The following MYO10 variants were observed in gnomAD, a reference collection of about 807,000 sequenced individuals.
The protein encoded by MYO10 is myosin X.
A neutral mutation model predicts 257.3 loss-of-function variants in MYO10; 133 were observed. The observed-to-expected ratio is 0.52, with a 90% confidence interval of 0.45 to 0.60. The LOEUF is 0.60. MYO10 is among the 20% of genes least tolerant of loss of function. MYO10 has a pLI of 0.00. For missense variants in MYO10, 2,399 were observed against 2,635.7 expected (o/e 0.91, Z 1.97); for synonymous variants, 1,104 against 1,028.6 (o/e 1.07, Z -1.40).
At chr5:16,794,503 A>G (rs938704702) in intron 4 of MYO10, 143 bp downstream of exon 4, 13 of 738,132 alleles carry the variant, frequency 1.8e-5, no homozygotes, top group Non-Finnish European at 2.4e-5. Context: ...TTACCATGCC[A>G]TTCAAAACAG....
In MYO10 at chr5:16,681,376, C is replaced by T; in HGVS notation, c.4317G>A (p.Leu1439=). The T allele has an allele frequency of 1.2e-6, 2 of 1,613,996 alleles. No individual in the cohort carries two copies. The highest frequency in any genetic ancestry group is 1.7e-5 in the Admixed American group (1 of 60,022). ...YKSSEKNALK[L]GTLVLNSLCS... ...AGAGGCTGTTGAGGACCAGGGTCCCCAGTTTGAGCGCGTTCTTCTCTGAAC... is the reference window on the plus strand; with the variant it reads ...AGAGGCTGTTGAGGACCAGGGTCCCTAGTTTGAGCGCGTTCTTCTCTGAAC... Residue 1439 remains leucine, a synonymous_variant, in exon 32 of 41, where the codon CTG becomes CTA. Coordinates refer to ENST00000513610, the MANE Select transcript of MYO10 (RefSeq NM_012334.3).
At chr5:16,861,368 C>A (rs1248999789) in intron 2 of MYO10, among the ~76,000 whole-genome samples, 2 of 151,814 alleles carry the variant, frequency 1.3e-5, no homozygotes, top group African/African-American at 4.8e-5. Flanking sequence ...GGGTTCGAGA[C>A]CAGCCTGGCC....
At chr5:16,702,687 A>G in intron 23 of MYO10, 99 bp from the exon 24 acceptor site, 1 of 1,196,352 alleles carries the variant, frequency 8.4e-7, no homozygotes, top group Non-Finnish European at 1.2e-6. Flanking sequence ...CAAAGACAGA[A>G]AGCATGAAAG....
chr5:16,882,298 G>A (rs1241125438), intron 1 of MYO10, among the ~76,000 whole-genome samples: 2 of 152,174 alleles, frequency 1.3e-5, no homozygotes. Flanking sequence ...TGTTGGTGAG[G>A]ATGTAGAGAA....
rs1742336240 is a variant in MYO10 at position 16,808,307 on chromosome 5, T to G, written c.279+9702A>C. Among the ~76,000 whole-genome samples, 2 of 151,786 alleles carry G rather than the reference T, an allele frequency of 1.3e-5. 1 individual carries two copies. Among genetic ancestry groups the G allele is most frequent in the South Asian group, 4.2e-4 (2 of 4,788 alleles). On this transcript the variant is annotated intron_variant, in intron 3 of 40. Transcript: ENST00000513610. ...ACAAGCCTCCATCTCTACAAAAAATTTTAAAAATACAAAAAATTAGCTGGC... is the reference window on the plus strand; with the variant it reads ...ACAAGCCTCCATCTCTACAAAAAATGTTAAAAATACAAAAAATTAGCTGGC...
chr5:16,684,933 G>C (rs1015174947), intron 29 of MYO10, among the ~76,000 whole-genome samples: 1 of 152,074 alleles, frequency 6.6e-6, no homozygotes, highest in African/African-American at 2.4e-5. Flanking sequence ...TGTAGTCCCA[G>C]CTACTTGGGA....
chr5:16,725,829 C>G lies in MYO10; in HGVS notation c.1930-14584G>C, dbSNP rs945919146. 3.3e-5 allele frequency among the ~76,000 whole-genome samples: 5 copies of G among 149,872 alleles called. No homozygotes were observed. In the South Asian group the frequency reaches 6.4e-4, roughly 19 times the overall value. On this transcript the variant is annotated intron_variant, in intron 19 of 40. Transcript: ENST00000513610. ...GTGAGGCGGAGTCTAGCTCTGTCAC[C>G]CATGCTGGAGTGCAGTGGCGTGATC... is the stretch of plus-strand genomic sequence containing the variant.
In MYO10 at chr5:16,869,056, G is replaced by A. The variant is rs901850617; in HGVS notation, c.120+8553C>T. On this transcript the variant is annotated intron_variant, in intron 2 of 40. Coordinates refer to ENST00000513610, the MANE Select transcript of MYO10 (RefSeq NM_012334.3). ...GTTTTTTGTTTTCAGACAGAGTCTC[G>A]CTCTGTCGCCCAGCGTGGAGTGCAG... Among the ~76,000 whole-genome samples the A allele has an allele frequency of 3.9e-5, 6 of 152,098 alleles. No homozygotes were observed. In the South Asian group the frequency reaches 1.0e-3, roughly 26 times the overall value.
At chr5:16,704,294 T>C (rs760809684) in intron 22 of MYO10, among the ~76,000 whole-genome samples, 12 of 152,152 alleles carry the variant, frequency 7.9e-5, no homozygotes, top group Non-Finnish European at 1.8e-4. Flanking sequence ...CACCACACTC[T>C]AGCCTCAGAG....
At chr5:16,825,015 G>A (rs1742959197) in intron 2 of MYO10, among the ~76,000 whole-genome samples, 1 of 152,154 alleles carries the variant, frequency 6.6e-6, no homozygotes, top group African/African-American at 2.4e-5. Flanking sequence ...AGGAGGAGGA[G>A]GAGGATTTCT....
chr5:16,663,328 G>GTTTGTTTTTTTTT lies in MYO10; in HGVS notation c.*3363_*3364insAAAAAAAAACAAA, dbSNP rs1736042206. Reference sequence around the variant, plus strand: ...AAAAAGTAACATTTTACTTCTAGTTGTTTTTTTTTTTTTTTTTTTTTTTTT... The same window carrying GTTTGTTTTTTTTT: ...AAAAAGTAACATTTTACTTCTAGTTGTTTGTTTTTTTTTTTTTTTTTTTTTTTTTTTTTTTTTT... On this transcript the variant is annotated 3_prime_UTR_variant, in exon 41 of 41. Transcript: ENST00000513610. 5.2e-5 allele frequency: 4 copies of GTTTGTTTTTTTTT among 76,888 alleles called. No homozygotes were observed. The highest frequency in any genetic ancestry group is 1.9e-4 in the African/African-American group (3 of 15,498). The allele number at this position is 76,888 out of a possible 1,614,324, so 4.8% of individuals were successfully genotyped here.
At chr5:16,778,016 T>C (rs1254230344) in intron 9 of MYO10, among the ~76,000 whole-genome samples, 1 of 151,890 alleles carries the variant, frequency 6.6e-6, no homozygotes, top group East Asian at 1.9e-4. Context: ...ATCCAGCTAA[T>C]TTTTTGTGTG....
chr5:16,804,013 T>C (rs1428952040), intron 3 of MYO10, among the ~76,000 whole-genome samples: 2 of 152,152 alleles, frequency 1.3e-5, no homozygotes, highest in Admixed American at 6.5e-5. Flanking sequence ...AAGGGGACAA[T>C]AAGATATTGT....
chr5:16,708,596 C>T (rs1160724624), intron 21 of MYO10, among the ~76,000 whole-genome samples: 1 of 152,218 alleles, frequency 6.6e-6, no homozygotes, highest in Non-Finnish European at 1.5e-5. Context: ...AGGTTTCACT[C>T]TGTCGCCCAG....
Position 16,668,172 on chromosome 5 carries a change from A to G in MYO10, c.6075+105T>C, listed in dbSNP as rs1736264561. 2.3e-6 allele frequency: 3 copies of G among 1,276,650 alleles called. No homozygotes were observed. In the African/African-American group the frequency reaches 4.5e-5, roughly 19 times the overall value. 79.1% of individuals were successfully genotyped at this position (1,276,650 alleles called of 1,614,324 possible). ...ACTGTATTTTCGTGTTTTGAAGAAA[A>G]ATATTCAAAGAAAATGACCTGGTCA... On this transcript the variant is annotated intron_variant, in intron 40 of 40. Coordinates refer to ENST00000513610, the MANE Select transcript of MYO10 (RefSeq NM_012334.3).
chr5:16,779,123 C>G (rs1408512950), intron 9 of MYO10, among the ~76,000 whole-genome samples: 1 of 152,184 alleles, frequency 6.6e-6, no homozygotes, highest in Non-Finnish European at 1.5e-5. Flanking sequence ...CAACAGTCAC[C>G]TGGGCCAATG....
At chr5:16,745,514 C>T (rs923938033) in intron 19 of MYO10, among the ~76,000 whole-genome samples, 18 of 151,882 alleles carry the variant, frequency 1.2e-4, no homozygotes, top group South Asian at 6.3e-4. Flanking sequence ...AGTAAGACCT[C>T]GTCTCTATGA....
chr5:16,702,039 A>C (rs956899025), intron 24 of MYO10, among the ~76,000 whole-genome samples: 7 of 152,222 alleles, frequency 4.6e-5, no homozygotes, highest in Non-Finnish European at 8.8e-5. Context: ...GACTAAGTTA[A>C]AATGAGTTCA....
intron 5 of MYO10, among the ~76,000 whole-genome samples, chr5:16,782,585 G>A (rs910414272): frequency 6.6e-6 from 1 of 152,290 alleles, no homozygotes; most frequent in Non-Finnish European, 1.5e-5. Context: ...ATTTTACCAC[G>A]ATTTTAAATG....
Sources: allele counts gnomAD v4.1 joint callset (sites outside exome capture counted in the v4.1 genomes callset), GRCh38; gene constraint gnomAD v4.1.1; transcripts MANE v1.5; gene names NCBI Gene and HGNC (gene_info 2026-07-23, HGNC 2026-07-21).